STOX2: variants seen among roughly 807,000 people sequenced by gnomAD.
STOX2 encodes the protein storkhead-box protein 2.
A neutral mutation model predicts 60.9 loss-of-function variants in STOX2; 28 were observed. The ratio of observed to expected loss-of-function variants is 0.46; its 90% CI spans 0.34 to 0.63. The LOEUF (loss-of-function observed/expected upper bound fraction) is 0.63. Ranked by LOEUF, STOX2 falls within the 30% of genes least tolerant of loss-of-function variation. STOX2 has a pLI of 0.01. For missense variants in STOX2, 1,024 were observed against 1,187.7 expected (o/e 0.86, Z 2.03); for synonymous variants, 472 against 463.9 (o/e 1.02, Z -0.22).
At chr4:183,901,706 T>C (rs551397001), upstream of STOX2, among the ~76,000 whole-genome samples, 417 of 152,256 alleles carry the variant, frequency 2.7e-3, 1 homozygote, top group African/African-American at 8.6e-3. Flanking sequence ...TATCTTTTCA[T>C]GTGCTTACTG....
chr4:183,922,741 G>A (rs758576120), intron 1 of STOX2, among the ~76,000 whole-genome samples: 1 of 152,136 alleles, frequency 6.6e-6, no homozygotes, highest in Non-Finnish European at 1.5e-5. Flanking sequence ...CCTGGGAACT[G>A]TTTTCATCTT....
intron 1 of STOX2, among the ~76,000 whole-genome samples, chr4:183,898,389 T>C (rs887548752): frequency 3.9e-5 from 6 of 151,996 alleles, no homozygotes; most frequent in African/African-American, 1.2e-4. Flanking sequence ...ACCCCAGAGG[T>C]TGGGAGACTG....
intron 1 of STOX2, among the ~76,000 whole-genome samples, chr4:183,998,180 G>T (rs1014703302): frequency 3.3e-5 from 5 of 152,170 alleles, no homozygotes; most frequent in South Asian, 4.1e-4. Flanking sequence ...ATAGGCACAC[G>T]TTGGAAGGTA....
At chr4:183,895,008 A>G (rs1180708435) in intron 1 of STOX2, among the ~76,000 whole-genome samples, 1 of 152,228 alleles carries the variant, frequency 6.6e-6, no homozygotes, top group African/African-American at 2.4e-5. Flanking sequence ...GGATGACACA[A>G]ACAACAATAA....
chr4:183,840,075 G>A (rs1739819532), intron 1 of STOX2, among the ~76,000 whole-genome samples: 1 of 152,064 alleles, frequency 6.6e-6, no homozygotes, highest in Non-Finnish European at 1.5e-5. Flanking sequence ...TGTGTTGGTT[G>A]TGGGGGCAAG....
intron 1 of STOX2, among the ~76,000 whole-genome samples, chr4:183,967,976 T>C (rs904481246): frequency 6.6e-6 from 1 of 152,214 alleles, no homozygotes; most frequent in South Asian, 2.1e-4. Context: ...AGAAAATAAC[T>C]GAAACTCATG....
intron 1 of STOX2, among the ~76,000 whole-genome samples, chr4:183,814,971 C>T (rs2111104343): frequency 6.6e-6 from 1 of 151,378 alleles, no homozygotes; most frequent in Middle Eastern, 3.4e-3. Flanking sequence ...ATTTAGAGTC[C>T]TTCTTTTGGG....
At chr4:183,815,177 A>G (rs907120503) in intron 1 of STOX2, among the ~76,000 whole-genome samples, 1 of 151,120 alleles carries the variant, frequency 6.6e-6, no homozygotes, top group Non-Finnish European at 1.5e-5. Context: ...TTTTTATTTT[A>G]ATAGAGAAGG....
chr4:183,830,912 T>G (rs1739550536), intron 1 of STOX2, among the ~76,000 whole-genome samples: 2 of 151,800 alleles, frequency 1.3e-5, no homozygotes, highest in South Asian at 4.2e-4. Context: ...ATTTTTTTTT[T>G]TTTTTTGGCT....
rs1734562596 is a variant in STOX2, at chr4:184,020,917, G to A, written c.*3633G>A. 6.6e-6 allele frequency: 1 copy of A among 152,142 alleles called. No individual in the cohort carries two copies. Among genetic ancestry groups the A allele is most frequent in the African/African-American group, 2.4e-5 (1 of 41,422 alleles). The allele number at this position is 152,142 out of a possible 1,614,324, so 9.4% of individuals were successfully genotyped here. Reference sequence around the variant, plus strand: ...ATTTAAATTACATTGCAGTCACCATGGGGAGAAGAAACCTGTTCAGTGGAA... The same window carrying A: ...ATTTAAATTACATTGCAGTCACCATAGGGAGAAGAAACCTGTTCAGTGGAA... On this transcript the variant is annotated 3_prime_UTR_variant, in exon 4 of 4. Transcript: ENST00000308497.
At chr4:184,008,582 C>T (rs181731215) in intron 2 of STOX2, among the ~76,000 whole-genome samples, 94 of 152,260 alleles carry the variant, frequency 6.2e-4, no homozygotes, top group Non-Finnish European at 1.0e-3. Context: ...GGCAATGACT[C>T]CAAAATTAGA....
chr4:184,011,012 A>G lies in STOX2; in HGVS notation c.2174A>G (p.Lys725Arg), dbSNP rs752691908. The G allele has an allele frequency of 2.5e-5, 41 of 1,613,362 alleles. No homozygotes were observed. Among genetic ancestry groups the G allele is most frequent in the South Asian group, 4.4e-5 (4 of 90,930 alleles). Residue 725 changes from lysine to arginine, a missense_variant, in exon 3 of 4, where the codon AAA becomes AGA. Physicochemically the swap from Lys to Arg is conservative, Grantham distance 26. Transcript: ENST00000308497. The surrounding 1 kb of genome is among the most constrained non-coding windows in gnomAD (Gnocchi z 4.4). ...CACAAGTCGAGCCTGTCCCTCCTCA[A>G]ATCTCACCCGAAGACACCTGCTGAC... is the stretch of plus-strand genomic sequence containing the variant. ...SYHKSSLSLL[K>R]SHPKTPADTL...
intron 1 of STOX2, among the ~76,000 whole-genome samples, chr4:183,926,473 A>G (rs1344373361): frequency 6.6e-6 from 1 of 152,244 alleles, no homozygotes; most frequent in Non-Finnish European, 1.5e-5. Flanking sequence ...TATTATAATT[A>G]TATCAGTTTA....
At chr4:183,936,225 G>GT (rs34489626) in intron 1 of STOX2, among the ~76,000 whole-genome samples, 10 of 151,990 alleles carry the variant, frequency 6.6e-5, no homozygotes, top group Admixed American at 2.6e-4. Flanking sequence ...TCCATCTGGA[G>GT]TTTTTTTTGC....
intron 1 of STOX2, among the ~76,000 whole-genome samples, chr4:183,977,405 C>T (rs1272005043): frequency 6.6e-6 from 1 of 152,174 alleles, no homozygotes; most frequent in Non-Finnish European, 1.5e-5. Flanking sequence ...TCTGCTCCCA[C>T]TTATAACTGT....
intron 1 of STOX2, among the ~76,000 whole-genome samples, chr4:183,807,295 GGGA>G (rs1307230226): frequency 1.3e-5 from 2 of 152,168 alleles, no homozygotes; most frequent in Non-Finnish European, 2.9e-5. Context: ...TGCTGAAAAA[GGGA>G]GGAGAACTTC....
chr4:183,947,485 C>T (rs1294627108), intron 1 of STOX2, among the ~76,000 whole-genome samples: 3 of 152,178 alleles, frequency 2.0e-5, no homozygotes, highest in African/African-American at 7.2e-5. Context: ...TTTGGTTCTA[C>T]ACAGAACTCC....
rs556010849 is a variant in STOX2 at position 183,919,386 on chromosome 4, G to A, written c.166+12430G>A. 2.6e-5 allele frequency among the ~76,000 whole-genome samples: 4 copies of A among 152,288 alleles called. No individual in the cohort carries two copies. The South Asian group carries it at 8.3e-4, about 32-fold the overall frequency. On this transcript the variant is annotated intron_variant, in intron 1 of 3. Transcript: ENST00000308497. The stretch of plus-strand genomic sequence containing the variant: ...GTGCTTGGGCTGGGACTGGCCGTGG[G>A]CCAGCTAGAGGTGGGGTTTATGGTT...
intron 1 of STOX2, among the ~76,000 whole-genome samples, chr4:183,835,760 G>A (rs1739694231): frequency 6.6e-6 from 1 of 152,200 alleles, no homozygotes; most frequent in Admixed American, 6.5e-5. Flanking sequence ...TGTGGGATCT[G>A]TGAGGGGAAA....
Sources: gnomAD v4.1 joint callset for allele counts (sites outside exome capture counted in the v4.1 genomes callset) on GRCh38, gnomAD v4.1.1 for gene constraint, Gnocchi (gnomAD v3.1) non-coding constraint, MANE v1.5 for transcripts, NCBI Gene and HGNC (gene_info 2026-07-23, HGNC 2026-07-21) for gene names.